KLRG2: variants seen among roughly 807,000 people sequenced by gnomAD.
KLRG2 encodes the protein killer cell lectin like receptor G2.
KLRG2 carries 39 observed loss-of-function variants against 35.4 expected under a neutral mutation model. That is an observed-to-expected ratio of 1.10 (90% confidence interval 0.85 to 1.44). The LOEUF (loss-of-function observed/expected upper bound fraction) is 1.44. Ranked by LOEUF, KLRG2 falls within the 40% of genes most tolerant of loss-of-function variation. The pLI, the probability that KLRG2 is intolerant of heterozygous loss-of-function variation, is 0.00. For synonymous variants in KLRG2, 283 were observed against 265.8 expected (o/e 1.06, Z -0.63); for missense variants, 632 against 570.9 (o/e 1.11, Z -1.09).
the KLRG2 span, among the ~76,000 whole-genome samples, chr7:139,429,761 C>T: frequency 6.6e-6 from 1 of 152,188 alleles, no homozygotes; most frequent in African/African-American, 2.4e-5. Context: ...GAAAAGTCTC[C>T]CATGTCCTCT....
the KLRG2 span, among the ~76,000 whole-genome samples, chr7:139,444,912 G>A: frequency 1.3e-5 from 2 of 152,140 alleles, no homozygotes; most frequent in South Asian, 2.1e-4. Context: ...GTATAAAAAC[G>A]GGCTAATCTT....
chr7:139,447,077 T>G, the KLRG2 span, among the ~76,000 whole-genome samples: 1 of 152,168 alleles, frequency 6.6e-6, no homozygotes, highest in Non-Finnish European at 1.5e-5. Flanking sequence ...ACATCAGTGG[T>G]GTTTACTCCA....
chr7:139,436,346 CT>C, the KLRG2 span, among the ~76,000 whole-genome samples: 1 of 152,164 alleles, frequency 6.6e-6, no homozygotes, highest in Non-Finnish European at 1.5e-5. Flanking sequence ...GAACCCCCCC[CT>C]TCACACCTCT....
chr7:139,464,867 A>G (rs1369164229), intron 3 of KLRG2, among the ~76,000 whole-genome samples: 3 of 151,890 alleles, frequency 2.0e-5, no homozygotes, highest in Admixed American at 6.6e-5. Flanking sequence ...TCCAAAATCT[A>G]TTTTCTTCCT....
intron 3 of KLRG2, among the ~76,000 whole-genome samples, chr7:139,470,517 T>C (rs1339584093): frequency 1.3e-5 from 2 of 152,092 alleles, no homozygotes; most frequent in East Asian, 3.9e-4. Flanking sequence ...AAAAGCCAGG[T>C]GCAGTGGCTC....
chr7:139,467,802 C>T (rs1448613439), intron 3 of KLRG2, among the ~76,000 whole-genome samples: 2 of 148,866 alleles, frequency 1.3e-5, no homozygotes, highest in South Asian at 2.1e-4. Flanking sequence ...AAGACCTGAC[C>T]GTCCCCCAGC....
intron 3 of KLRG2, among the ~76,000 whole-genome samples, chr7:139,476,739 G>A (rs573342145): frequency 9.9e-5 from 15 of 152,114 alleles, no homozygotes; most frequent in African/African-American, 3.6e-4. Flanking sequence ...CACTGCACCC[G>A]GCCTCACTAT....
chr7:139,436,923 C>A, the KLRG2 span, among the ~76,000 whole-genome samples: 2 of 152,226 alleles, frequency 1.3e-5, no homozygotes, highest in Non-Finnish European at 2.9e-5. Context: ...GGTCCTGCTG[C>A]CCTCACTTCA....
chr7:139,427,363 A>G, the KLRG2 span, among the ~76,000 whole-genome samples: 1 of 152,160 alleles, frequency 6.6e-6, no homozygotes, highest in Admixed American at 6.6e-5. Flanking sequence ...GAACAAGCTA[A>G]TGGCCAGCAT....
chr7:139,479,496 A>C, intron 3 of KLRG2, 131 bp downstream of exon 3: 1 of 909,512 alleles, frequency 1.1e-6, no homozygotes, highest in Non-Finnish European at 1.7e-6. Context: ...AGTTATGGTC[A>C]TGCTACTCCT....
At chr7:139,473,156 C>A (rs1396819439) in intron 3 of KLRG2, among the ~76,000 whole-genome samples, 1 of 152,172 alleles carries the variant, frequency 6.6e-6, no homozygotes, top group Non-Finnish European at 1.5e-5. Flanking sequence ...TGGTTCGACC[C>A]TATAATCCCA....
the KLRG2 span, among the ~76,000 whole-genome samples, chr7:139,435,930 C>T: frequency 2.0e-5 from 3 of 148,304 alleles, no homozygotes; most frequent in African/African-American, 7.5e-5. Context: ...GAGATAGGGT[C>T]TTGCTCTGTC....
At chr7:139,473,826 C>T (rs564336213) in intron 3 of KLRG2, among the ~76,000 whole-genome samples, 1 of 152,080 alleles carries the variant, frequency 6.6e-6, no homozygotes, top group African/African-American at 2.4e-5. Context: ...AAAAAAGGAA[C>T]ATTTGAAAGG....
chr7:139,429,042 C>T, the KLRG2 span, among the ~76,000 whole-genome samples: 1 of 152,152 alleles, frequency 6.6e-6, no homozygotes, highest in African/African-American at 2.4e-5. Flanking sequence ...TTAGGCCAGG[C>T]GTGGTGGCTT....
At chr7:139,473,262 C>T (rs1373016011) in intron 3 of KLRG2, among the ~76,000 whole-genome samples, 1 of 151,974 alleles carries the variant, frequency 6.6e-6, no homozygotes, top group Non-Finnish European at 1.5e-5. Context: ...GCCTGGGTGA[C>T]AGACCAAGAC....
At chr7:139,481,385 A>G (rs1796957263) in intron 1 of KLRG2, among the ~76,000 whole-genome samples, 1 of 152,248 alleles carries the variant, frequency 6.6e-6, no homozygotes, top group African/African-American at 2.4e-5. Flanking sequence ...AAATGTGCTC[A>G]CATCAAACTC....
the KLRG2 span, among the ~76,000 whole-genome samples, chr7:139,440,552 C>A: frequency 2.0e-5 from 3 of 151,628 alleles, no homozygotes; most frequent in African/African-American, 4.8e-5. Flanking sequence ...CTACCATAGC[C>A]GACTTAATTT....
At chr7:139,452,055 G>A (rs1414188563), downstream of KLRG2, among the ~76,000 whole-genome samples, 8 of 140,126 alleles carry the variant, frequency 5.7e-5, no homozygotes, top group Non-Finnish European at 1.2e-4. Flanking sequence ...TGCAACCTCC[G>A]CCTCCTGGGT....
intron 3 of KLRG2, among the ~76,000 whole-genome samples, chr7:139,454,866 AC>A (rs1294953642): frequency 2.1e-5 from 3 of 145,106 alleles, no homozygotes; most frequent in African/African-American, 7.8e-5. Flanking sequence ...AATAATAATA[AC>A]ACACGCAGAT....
Sources: allele counts gnomAD v4.1 joint callset (sites outside exome capture counted in the v4.1 genomes callset), GRCh38; gene constraint gnomAD v4.1.1; transcripts MANE v1.5; gene names NCBI Gene and HGNC (gene_info 2026-07-23, HGNC 2026-07-21).